Variants in MROH9 observed in about 807,000 individuals in gnomAD.
MROH9 encodes the protein maestro heat-like repeat-containing protein family member 9.
In MROH9, 92 loss-of-function variants were observed where a neutral mutation model predicts 98.2. The ratio of observed to expected loss-of-function variants is 0.94; its 90% CI spans 0.79 to 1.11. The LOEUF (loss-of-function observed/expected upper bound fraction) is 1.11. Among genes scored for constraint, MROH9 ranks in the 50% most tolerant of loss-of-function variants. The pLI is 0.00. For missense variants in MROH9, 1,057 were observed against 1,014.8 expected (o/e 1.04, Z -0.57); for synonymous variants, 397 against 368.9 (o/e 1.08, Z -0.87).
intron 1 of MROH9, among the ~76,000 whole-genome samples, chr1:170,936,193 T>C (rs1016423560): frequency 3.9e-5 from 6 of 152,096 alleles, no homozygotes; most frequent in African/African-American, 1.4e-4. Flanking sequence ...TTATAAGGTA[T>C]TGGTTTACAC....
intron 20 of MROH9, among the ~76,000 whole-genome samples, chr1:171,039,992 A>C (rs1242686564): frequency 2.6e-5 from 4 of 152,134 alleles, no homozygotes; most frequent in African/African-American, 9.6e-5. Flanking sequence ...TGGTTTGATA[A>C]GCAAAGAAAA....
At chr1:170,939,995 T>C (rs1229509037) in intron 1 of MROH9, among the ~76,000 whole-genome samples, 1 of 152,214 alleles carries the variant, frequency 6.6e-6, no homozygotes, top group South Asian at 2.1e-4. Context: ...CAGAGCAGAC[T>C]GTACAACAGC....
intron 20 of MROH9, among the ~76,000 whole-genome samples, chr1:171,049,699 T>A (rs79128434): frequency 1.3e-5 from 2 of 151,914 alleles, no homozygotes; most frequent in South Asian, 4.2e-4. Context: ...TTTTTTTTTT[T>A]ATTTGAGACA....
At chr1:171,001,077 G>T (rs190569095) in intron 15 of MROH9, among the ~76,000 whole-genome samples, 412 of 152,134 alleles carry the variant, frequency 2.7e-3, no homozygotes, top group Non-Finnish European at 4.8e-3. Flanking sequence ...AATGGTGTCA[G>T]TTGTAATATC....
rs1051031585 is a variant in MROH9 at position 170,965,225 on chromosome 1, A to G, written c.450A>G (p.Leu150=). The change falls in exon 7 of 22, where the codon TTA becomes TTG. Residue 150 remains leucine, a synonymous_variant. Transcript: ENST00000367759. ...ERIMVIINKV[L]RFTVTKVRKY... is the part of the protein sequence containing the mutation. Reference sequence around the variant, plus strand: ...TAATGGTGATCATCAACAAGGTGTTAAGATTTACAGTCACAAAAGTCAGAA... The same window carrying G: ...TAATGGTGATCATCAACAAGGTGTTGAGATTTACAGTCACAAAAGTCAGAA... The G allele has an allele frequency of 1.2e-6, 2 of 1,611,518 alleles. No individual in the cohort carries two copies. Among genetic ancestry groups the G allele is most frequent in the Admixed American group, 1.7e-5 (1 of 59,910 alleles).
intron 3 of MROH9, among the ~76,000 whole-genome samples, chr1:170,957,325 C>T (rs1649804118): frequency 6.6e-6 from 1 of 152,158 alleles, no homozygotes; most frequent in African/African-American, 2.4e-5. Flanking sequence ...TTGTCTTTAA[C>T]CCATTTCAAA....
intron 15 of MROH9, among the ~76,000 whole-genome samples, chr1:171,006,549 A>G (rs935344688): frequency 3.3e-5 from 5 of 152,094 alleles, no homozygotes; most frequent in African/African-American, 1.2e-4. Flanking sequence ...GAGAGAGAAC[A>G]TTTAAAGAAA....
chr1:171,013,077 GTTC>G, intron 15 of MROH9, among the ~76,000 whole-genome samples: 1 of 152,060 alleles, frequency 6.6e-6, no homozygotes, highest in Non-Finnish European at 1.5e-5. Context: ...TTTGCACATG[GTTC>G]ACCATCCTTG....
At chr1:170,945,466 C>A in intron 1 of MROH9, 54 bp from the exon 2 acceptor site, 2 of 1,344,454 alleles carry the variant, frequency 1.5e-6, no homozygotes, top group Non-Finnish European at 2.1e-6. Flanking sequence ...TAGAGCAAAA[C>A]AAAACTGTAG....
intron 16 of MROH9, among the ~76,000 whole-genome samples, chr1:171,014,592 T>C (rs1425869739): frequency 6.6e-6 from 1 of 152,114 alleles, no homozygotes; most frequent in African/African-American, 2.4e-5. Context: ...GTGTACACAC[T>C]AATTCCTATC....
intron 8 of MROH9, among the ~76,000 whole-genome samples, chr1:170,973,310 G>T (rs988926362): frequency 6.6e-6 from 1 of 152,128 alleles, no homozygotes; most frequent in Non-Finnish European, 1.5e-5. Context: ...TAGTGATAAT[G>T]CCTGTGCCTG....
intron 17 of MROH9, among the ~76,000 whole-genome samples, chr1:171,016,682 CTTTTGGTGTATCACT>C (rs1652337982): frequency 6.6e-6 from 1 of 152,040 alleles, no homozygotes; most frequent in African/African-American, 2.4e-5. Flanking sequence ...TTTCTTCAGT[CTTTTGGTGTATCACT>C]TTTTCCCCAT....
At chr1:171,035,052 A>G (rs576105599) in intron 20 of MROH9, among the ~76,000 whole-genome samples, 1 of 152,308 alleles carries the variant, frequency 6.6e-6, no homozygotes, top group East Asian at 1.9e-4. Context: ...AACAATGTAA[A>G]CATAAAACAC....
In MROH9 at chr1:171,026,292, T is replaced by G. The variant is rs1388081345; in HGVS notation, c.2281+872T>G. Among the ~76,000 whole-genome samples the G allele has an allele frequency of 2.0e-5, 3 of 151,658 alleles. No homozygotes were observed. In the East Asian group the frequency reaches 5.8e-4, roughly 29 times the overall value. On this transcript the variant is annotated intron_variant, in intron 20 of 21. Coordinates refer to ENST00000367759, the MANE Select transcript of MROH9 (RefSeq NM_001163629.2). Reference sequence around the variant, plus strand: ...TCATTTTCTTTTCTTTTTTTTTTTTTAAGACAGAATCTTGCTCTGTCACCT... The same window carrying G: ...TCATTTTCTTTTCTTTTTTTTTTTTGAAGACAGAATCTTGCTCTGTCACCT...
intron 2 of MROH9, among the ~76,000 whole-genome samples, chr1:170,947,069 TATTTTCTAATCAC>T (rs1367220513): frequency 6.6e-6 from 1 of 152,016 alleles, no homozygotes; most frequent in African/African-American, 2.4e-5. Flanking sequence ...CACTTCTATT[TATTTTCTAATCAC>T]ACTTGGTACT....
intron 8 of MROH9, among the ~76,000 whole-genome samples, chr1:170,973,829 C>G (rs757975768): frequency 6.6e-6 from 1 of 152,114 alleles, no homozygotes; most frequent in African/African-American, 2.4e-5. Context: ...GAGCTGGTAT[C>G]GTGCCACTGT....
intron 3 of MROH9, among the ~76,000 whole-genome samples, chr1:170,953,078 G>T (rs1649617607): frequency 6.6e-6 from 1 of 152,022 alleles, no homozygotes. Context: ...TTGGCATTTT[G>T]ATTTGAAACA....
intron 19 of MROH9, 73 bp downstream of exon 19, chr1:171,024,838 A>G: frequency 1.1e-6 from 1 of 888,182 alleles, no homozygotes; most frequent in Non-Finnish European, 1.8e-6. Flanking sequence ...AGTGATAAAA[A>G]CTGTAATGGG....
intron 20 of MROH9, among the ~76,000 whole-genome samples, chr1:171,051,580 G>A (rs1388529187): frequency 1.3e-5 from 2 of 152,066 alleles, no homozygotes; most frequent in African/African-American, 2.4e-5. Context: ...ACAAACTGGG[G>A]CCTGGCAGAG....
Sources: gnomAD v4.1 joint callset for allele counts (sites outside exome capture counted in the v4.1 genomes callset) on GRCh38, gnomAD v4.1.1 for gene constraint, MANE v1.5 for transcripts, NCBI Gene and HGNC (gene_info 2026-07-23, HGNC 2026-07-21) for gene names.